Variants in PACRG observed in about 807,000 individuals in gnomAD.
PACRG encodes parkin coregulated.
In PACRG, 29 loss-of-function variants were observed where a neutral mutation model predicts 29.7. That is an observed-to-expected ratio of 0.98 (90% CI 0.73 to 1.33). The LOEUF (loss-of-function observed/expected upper bound fraction) is 1.33. PACRG is among the 40% of genes most tolerant of loss of function. The pLI, the probability that PACRG is intolerant of heterozygous loss-of-function variation, is 0.00. For missense variants in PACRG, 279 were observed against 316.2 expected (o/e 0.88, Z 0.89); for synonymous variants, 116 against 118.7 (o/e 0.98, Z 0.15).
intron 2 of PACRG, among the ~76,000 whole-genome samples, chr6:163,031,905 A>G (rs1042945888): frequency 2.0e-5 from 3 of 152,338 alleles, no homozygotes; most frequent in African/African-American, 4.8e-5. Context: ...TTTTCCAAAC[A>G]GCTTTTATTG....
chr6:163,051,715 C>T (rs1232080498), intron 2 of PACRG: 1 of 152,206 alleles, frequency 6.6e-6, no homozygotes, highest in Non-Finnish European at 1.5e-5. Flanking sequence ...GACATTAAAA[C>T]CTTATTCCTA....
chr6:163,132,538 T>C (rs907989730), intron 4 of PACRG, among the ~76,000 whole-genome samples: 1 of 152,194 alleles, frequency 6.6e-6, no homozygotes, highest in Non-Finnish European at 1.5e-5. Context: ...TGCCCTGTGG[T>C]TAATACAGCC....
At chr6:162,899,876 A>G (rs1351070709) in intron 2 of PACRG, among the ~76,000 whole-genome samples, 1 of 152,164 alleles carries the variant, frequency 6.6e-6, no homozygotes, top group Non-Finnish European at 1.5e-5. Flanking sequence ...GAAGCTGGAA[A>G]TGAAATAACC....
chr6:163,299,990 C>T (rs754847709), intron 4 of PACRG, among the ~76,000 whole-genome samples: 7 of 152,224 alleles, frequency 4.6e-5, no homozygotes, highest in Non-Finnish European at 8.8e-5. Context: ...GGGCACAGAG[C>T]TCCCAGTACA....
chr6:162,970,847 T>G (rs900826481), intron 2 of PACRG, among the ~76,000 whole-genome samples: 4 of 152,008 alleles, frequency 2.6e-5, no homozygotes, highest in South Asian at 2.1e-4. Flanking sequence ...ATTGCCCCTG[T>G]CACCTGAGCC....
At position 162,814,362 on chromosome 6, in the gene PACRG, A is replaced by C. The variant is rs910750156; in HGVS notation, c.291+81A>C. Reference sequence around the variant, plus strand: ...AATGCCAAACACACTTGGCTGCTTAAGTAAATAAACTGGAGTCATTTCTCA... The same window carrying C: ...AATGCCAAACACACTTGGCTGCTTACGTAAATAAACTGGAGTCATTTCTCA... On this transcript the variant is annotated intron_variant, in intron 2 of 4. Transcript: ENST00000366888. 14 of 1,535,028 alleles carry C rather than the reference A, an allele frequency of 9.1e-6. No homozygotes were observed. In the East Asian group the frequency reaches 3.0e-4, roughly 33 times the overall value.
chr6:162,876,560 T>C (rs1269602870), intron 2 of PACRG, among the ~76,000 whole-genome samples: 1 of 152,226 alleles, frequency 6.6e-6, no homozygotes, highest in African/African-American at 2.4e-5. Flanking sequence ...TGGGGTTGTT[T>C]GTTTCTTCTT....
intron 2 of PACRG, among the ~76,000 whole-genome samples, chr6:162,854,541 A>T (rs746698371): frequency 1.3e-5 from 2 of 152,168 alleles, no homozygotes; most frequent in Non-Finnish European, 2.9e-5. Flanking sequence ...TATTATTATT[A>T]TTTTTTGGTT....
chr6:163,137,276 A>G (rs1816973166), intron 4 of PACRG, among the ~76,000 whole-genome samples: 1 of 152,010 alleles, frequency 6.6e-6, no homozygotes, highest in Non-Finnish European at 1.5e-5. Flanking sequence ...TTTAAATTTC[A>G]TCATTATCCA....
chr6:163,298,102 G>C (rs1486436951), intron 4 of PACRG, among the ~76,000 whole-genome samples: 1 of 152,136 alleles, frequency 6.6e-6, no homozygotes, highest in East Asian at 1.9e-4. Context: ...AGTGAATGCT[G>C]GAGTGGCTTG....
chr6:163,166,171 G>C (rs1778797472), intron 4 of PACRG: 1 of 456,140 alleles, frequency 2.2e-6, no homozygotes, highest in African/African-American at 2.0e-5. Context: ...AAAGGGTTTT[G>C]TGCTCGTTTC....
chr6:163,107,979 G>C (rs1052473727), intron 4 of PACRG, among the ~76,000 whole-genome samples: 6 of 152,186 alleles, frequency 3.9e-5, no homozygotes, highest in African/African-American at 1.4e-4. Flanking sequence ...TCCTCCGAAT[G>C]TGTAAAAATT....
At chr6:163,250,883 G>GTATATATATATATA (rs368878258) in intron 4 of PACRG, among the ~76,000 whole-genome samples, 137 of 138,088 alleles carry the variant, frequency 9.9e-4, no homozygotes, top group African/African-American at 3.2e-3. Flanking sequence ...AGAAATTGTT[G>GTATATATATATATA]TATATATATA....
intron 2 of PACRG, among the ~76,000 whole-genome samples, chr6:162,961,374 G>A (rs560279499): frequency 6.6e-6 from 1 of 152,338 alleles, no homozygotes; most frequent in South Asian, 2.1e-4. Flanking sequence ...CAGCATGACA[G>A]CAGGTGAAGT....
chr6:162,744,892 AT>A, intron 1 of PACRG, among the ~76,000 whole-genome samples: 1 of 152,202 alleles, frequency 6.6e-6, no homozygotes, highest in East Asian at 1.9e-4. Context: ...ATCAAAATGT[AT>A]TTTTTCGTCT....
chr6:163,167,271 A>G (rs1778854542), intron 4 of PACRG, among the ~76,000 whole-genome samples: 4 of 152,320 alleles, frequency 2.6e-5, no homozygotes, highest in Admixed American at 2.0e-4. Context: ...TTTATTTCCT[A>G]TATGCGATAA....
intron 2 of PACRG, among the ~76,000 whole-genome samples, chr6:162,915,963 C>A (rs1796668921): frequency 6.6e-6 from 1 of 152,104 alleles, no homozygotes; most frequent in Non-Finnish European, 1.5e-5. Context: ...TTTTACATTA[C>A]CCAGATAGGA....
chr6:162,838,352 A>C (rs1310956849), intron 2 of PACRG, among the ~76,000 whole-genome samples: 1 of 152,102 alleles, frequency 6.6e-6, no homozygotes, highest in Non-Finnish European at 1.5e-5. Flanking sequence ...TTTCCCATAC[A>C]TGTGGGAGGA....
chr6:162,881,113 G>T (rs991049418), intron 2 of PACRG, among the ~76,000 whole-genome samples: 1 of 152,196 alleles, frequency 6.6e-6, no homozygotes. Context: ...CCTGTGTATG[G>T]ACCACAGGCT....
Sources: allele counts gnomAD v4.1 joint callset (sites outside exome capture counted in the v4.1 genomes callset), GRCh38; gene constraint gnomAD v4.1.1; transcripts MANE v1.5; gene names NCBI Gene and HGNC (gene_info 2026-07-23, HGNC 2026-07-21).